BCO1: variants seen among roughly 807,000 people sequenced by gnomAD.
The protein encoded by BCO1 is beta-carotene oxygenase 1, also known as beta,beta-carotene 15,15'-dioxygenase.
Under a neutral mutation model 56.3 loss-of-function variants are expected in BCO1, and 54 were observed. The observed-to-expected ratio is 0.96, with a 90% CI of 0.77 to 1.20. BCO1 has a LOEUF of 1.20. BCO1 is among the 50% of genes most tolerant of loss of function. The pLI is 0.00. For synonymous variants in BCO1, 318 were observed against 266.1 expected (o/e 1.20, Z -1.90); for missense variants, 801 against 690.9 (o/e 1.16, Z -1.79).
rs146920381 is a variant in BCO1, at chr16:81,251,978, G to A, written c.193+6375G>A. On this transcript the variant is annotated intron_variant, in intron 2 of 10. Transcript: ENST00000258168. ...CCCAGGCAGGAGCACGTCTGTTGGC[G>A]TATGTCCCTTCAGAAGGAATGTGGC... Among the ~76,000 whole-genome samples, 27 of 151,848 alleles carry A rather than the reference G, an allele frequency of 1.8e-4. No homozygotes were observed. In the East Asian group the frequency reaches 3.7e-3, roughly 21 times the overall value.
At chr16:81,287,832 C>T (rs1281198297) in intron 10 of BCO1, among the ~76,000 whole-genome samples, 1 of 152,158 alleles carries the variant, frequency 6.6e-6, no homozygotes, top group Admixed American at 6.5e-5. Context: ...CCGACAATGA[C>T]GTATGACAAT....
At chr16:81,276,588 C>G (rs373893235) in intron 7 of BCO1, among the ~76,000 whole-genome samples, 1 of 152,160 alleles carries the variant, frequency 6.6e-6, no homozygotes, top group South Asian at 2.1e-4. Flanking sequence ...TATTCCAGCT[C>G]AGAACTCTAA....
rs990268180 is a variant in BCO1, at chr16:81,279,632, A to G, written c.1102-1225A>G. On this transcript the variant is annotated intron_variant, in intron 7 of 10. Coordinates refer to ENST00000258168, the MANE Select transcript of BCO1 (RefSeq NM_017429.3). ...ATTAATATACACATAAGGAAACGGA[A>G]CTATAGAGAGGCCAACTGACTTGCT... Among the ~76,000 whole-genome samples the G allele has an allele frequency of 5.9e-5, 9 of 152,312 alleles. No individual in the cohort carries two copies. The South Asian group carries it at 8.3e-4, about 14-fold the overall frequency.
rs967532086 is a variant in BCO1 at position 81,238,762 on chromosome 16, G to A, written c.-147G>A. 2 of 758,970 alleles carry A rather than the reference G, an allele frequency of 2.6e-6. No homozygotes were observed. Among genetic ancestry groups the A allele is most frequent in the Non-Finnish European group, 4.7e-6 (2 of 426,080 alleles). 47.0% of individuals were successfully genotyped at this position (758,970 alleles called of 1,614,324 possible). On this transcript the variant is annotated 5_prime_UTR_variant, in exon 1 of 11. Transcript: ENST00000258168. ...AGCCAAAAAGGAAAAAGCAAAGGCA[G>A]AAACGGCATCAGGAGAGACAGAGAT...
intron 7 of BCO1, among the ~76,000 whole-genome samples, chr16:81,277,799 C>T (rs1042494625): frequency 4.6e-5 from 7 of 152,190 alleles, no homozygotes; most frequent in Non-Finnish European, 8.8e-5. Context: ...ATGCTGGCCA[C>T]TGAAAGCAGC....
chr16:81,241,080 C>A (rs112003249), intron 1 of BCO1, among the ~76,000 whole-genome samples: 3,635 of 152,198 alleles, frequency 0.024, 140 homozygotes, highest in African/African-American at 0.082. Context: ...TTGATCCGCC[C>A]GTGTTGGCCT....
chr16:81,262,854 AAAC>A (rs1229280219), intron 4 of BCO1: 91 of 155,424 alleles, frequency 5.9e-4, no homozygotes, highest in South Asian at 9.6e-4. Context: ...AAAAAAAAAA[AAAC>A]AAGACAAACA....
At chr16:81,287,175 CA>C in intron 9 of BCO1, 119 bp from the exon 10 acceptor site, 1 of 808,202 alleles carries the variant, frequency 1.2e-6, no homozygotes, top group South Asian at 1.4e-5. Context: ...GAGACTACGT[CA>C]AAAGTCTACA....
At chr16:81,279,420 G>T (rs1268090874) in intron 7 of BCO1, among the ~76,000 whole-genome samples, 2 of 152,128 alleles carry the variant, frequency 1.3e-5, no homozygotes, top group Non-Finnish European at 2.9e-5. Context: ...AGTAGTGGTG[G>T]CAGCAATATA....
chr16:81,249,215 G>T (rs62054703), intron 2 of BCO1, among the ~76,000 whole-genome samples: 67,598 of 151,356 alleles, frequency 0.45, 15,495 homozygotes, highest in Middle Eastern at 0.54. Flanking sequence ...CTCAGCCTCC[G>T]GCGTAGCTAG....
At chr16:81,248,405 CAA>C (rs372084002) in intron 2 of BCO1, among the ~76,000 whole-genome samples, 6 of 102,820 alleles carry the variant, frequency 5.8e-5, no homozygotes, top group African/African-American at 1.3e-4. Flanking sequence ...CTCCCTCTCA[CAA>C]AAAAAAAAAA....
intron 1 of BCO1, among the ~76,000 whole-genome samples, chr16:81,239,904 C>G (rs779941036): frequency 6.6e-6 from 1 of 152,108 alleles, no homozygotes; most frequent in African/African-American, 2.4e-5. Flanking sequence ...GTGGTGCTCG[C>G]TCAGTTTTAA....
chr16:81,239,201 G>C (rs369583110), intron 1 of BCO1, among the ~76,000 whole-genome samples: 215 of 151,870 alleles, frequency 1.4e-3, no homozygotes, highest in African/African-American at 4.1e-3. Context: ...GTTTTTAGTA[G>C]AGACGGGGTT....
At chr16:81,248,246 A>G (rs1452392287) in intron 2 of BCO1, among the ~76,000 whole-genome samples, 1 of 151,814 alleles carries the variant, frequency 6.6e-6, no homozygotes, top group East Asian at 1.9e-4. Flanking sequence ...TACTAAAAAT[A>G]CAAAAAATTA....
intron 4 of BCO1, chr16:81,264,066 A>C (rs1906660098): frequency 5.8e-6 from 1 of 173,018 alleles, no homozygotes; most frequent in Admixed American, 5.5e-5. Context: ...TGGACTGCAG[A>C]GTGAGGGTCA....
chr16:81,272,609 A>G (rs960501872), intron 7 of BCO1, among the ~76,000 whole-genome samples: 11 of 152,152 alleles, frequency 7.2e-5, no homozygotes, highest in African/African-American at 2.4e-4. Context: ...ATTATCCCCA[A>G]TTAGGGTGAT....
At chr16:81,259,542 C>G in intron 2 of BCO1, 134 bp from the exon 3 acceptor site, 2 of 889,346 alleles carry the variant, frequency 2.2e-6, no homozygotes, top group South Asian at 2.9e-5. Context: ...TTGTATCGGC[C>G]CTGTGTACTA....
intron 2 of BCO1, among the ~76,000 whole-genome samples, chr16:81,246,576 C>T (rs940423721): frequency 2.6e-5 from 4 of 151,242 alleles, no homozygotes; most frequent in South Asian, 2.1e-4. Context: ...GGTAGCTGGG[C>T]GCAGTGGCTC....
intron 5 of BCO1, among the ~76,000 whole-genome samples, chr16:81,266,799 G>A (rs551388334): frequency 7.2e-5 from 11 of 152,242 alleles, no homozygotes; most frequent in South Asian, 4.1e-4. Context: ...GTGGCACTGC[G>A]ACTCATGCCC....
Sources: allele counts gnomAD v4.1 joint callset (sites outside exome capture counted in the v4.1 genomes callset), GRCh38; gene constraint gnomAD v4.1.1; transcripts MANE v1.5; gene names NCBI Gene and HGNC (gene_info 2026-07-23, HGNC 2026-07-21).